The following TRIM67 variants were observed in gnomAD, a reference collection of about 807,000 sequenced individuals.
TRIM67 encodes tripartite motif containing 67, also known as tripartite motif-containing protein 67.
A neutral mutation model predicts 71.0 loss-of-function variants in TRIM67; 39 were observed. The observed-to-expected ratio is 0.55, with a 90% CI of 0.43 to 0.72. The LOEUF is 0.72. Among genes scored for constraint, TRIM67 ranks in the 30% least tolerant of loss-of-function variants. The pLI, the probability that TRIM67 is intolerant of heterozygous loss-of-function variation, is 0.00. For missense variants in TRIM67, 973 were observed against 1,079.2 expected (o/e 0.90, Z 1.38); for synonymous variants, 481 against 473.9 (o/e 1.01, Z -0.19).
chr1:231,182,617 GC>G (rs1558295060), intron 1 of TRIM67, among the ~76,000 whole-genome samples: 1 of 152,148 alleles, frequency 6.6e-6, no homozygotes, highest in African/African-American at 2.4e-5. Flanking sequence ...CAGATGAATG[GC>G]AAGGGCACAG....
chr1:231,217,186 G>C lies in TRIM67; in HGVS notation c.*1746G>C. The C allele has an allele frequency of 2.0e-6, 2 of 986,024 alleles. No homozygotes were observed. The highest frequency in any genetic ancestry group is 9.4e-5 in the South Asian group (2 of 21,282). 61.1% of individuals were successfully genotyped at this position (986,024 alleles called of 1,614,324 possible). A position where few individuals can be genotyped will look rare whatever the true frequency, so the allele number is the denominator to read the frequency against. On this transcript the variant is annotated 3_prime_UTR_variant, in exon 10 of 10. Coordinates refer to ENST00000366653, the MANE Select transcript of TRIM67 (RefSeq NM_001004342.5). ...GGTCTGCAAGGCTGCTTGGTCCGCTGTCTCTGCAGATGTGGCCGGCAAGGC... is the reference window on the plus strand; with the variant it reads ...GGTCTGCAAGGCTGCTTGGTCCGCTCTCTCTGCAGATGTGGCCGGCAAGGC...
At chr1:231,195,858 G>C (rs1003615229) in intron 1 of TRIM67, among the ~76,000 whole-genome samples, 3 of 152,244 alleles carry the variant, frequency 2.0e-5, no homozygotes, top group Admixed American at 6.5e-5. Flanking sequence ...GGTGCAGCCA[G>C]AGACGGTGCA....
intron 1 of TRIM67, chr1:231,187,631 T>C: frequency 7.2e-7 from 1 of 1,391,570 alleles, no homozygotes; most frequent in Non-Finnish European, 9.8e-7. Context: ...ATTCCTGTTT[T>C]AATACACGCC....
chr1:231,202,374 G>A (rs1232058346), intron 5 of TRIM67, among the ~76,000 whole-genome samples: 1 of 152,024 alleles, frequency 6.6e-6, no homozygotes, highest in Non-Finnish European at 1.5e-5. Context: ...GCAGCAGAGG[G>A]ATAGCAAGTC....
rs948577271 is a variant in TRIM67, at chr1:231,209,739, A to C, written c.2123+489A>C. 1.3e-5 allele frequency among the ~76,000 whole-genome samples: 2 copies of C among 152,192 alleles called. No individual in the cohort carries two copies. The highest frequency in any genetic ancestry group is 1.3e-4 in the Admixed American group (2 of 15,290). On this transcript the variant is annotated intron_variant, in intron 8 of 9. Coordinates refer to ENST00000366653, the MANE Select transcript of TRIM67 (RefSeq NM_001004342.5). This position sits in a 1 kb window ranked among gnomAD's most constrained non-coding sequence, Gnocchi z 4.1. ...GCCTCGGCAGGGCCGGGCCCTTGAC[A>C]GGGCAGTAGCAGAGGGCATGGCTGG...
At chr1:231,184,708 C>G (rs944116079) in intron 1 of TRIM67, 5 of 413,982 alleles carry the variant, frequency 1.2e-5, no homozygotes, top group Non-Finnish European at 2.2e-5. Context: ...AACAATGGTC[C>G]CTGCAGCTGT....
rs186916056 is a variant in TRIM67, at chr1:231,205,654, A to C, written c.1681-998A>C. On this transcript the variant is annotated intron_variant, in intron 6 of 9. Coordinates refer to ENST00000366653, the MANE Select transcript of TRIM67 (RefSeq NM_001004342.5). Reference sequence around the variant, plus strand: ...GGCACAAGGATCACTTGAACTTGGAAGGCAAAGATTGTAGTAAGTCAAGAT... The same window carrying C: ...GGCACAAGGATCACTTGAACTTGGACGGCAAAGATTGTAGTAAGTCAAGAT... 7.7e-3 allele frequency among the ~76,000 whole-genome samples: 1,166 copies of C among 151,898 alleles called. 7 individuals are homozygous for C. The highest frequency in any genetic ancestry group is 0.017 in the Middle Eastern group (5 of 290).
intron 1 of TRIM67, among the ~76,000 whole-genome samples, chr1:231,181,273 C>A (rs1682899168): frequency 6.6e-6 from 1 of 152,172 alleles, no homozygotes; most frequent in African/African-American, 2.4e-5. Context: ...CAGGAGAAGT[C>A]TTAAGAGCAA....
chr1:231,180,179 T>C (rs1199314029), intron 1 of TRIM67, among the ~76,000 whole-genome samples: 2 of 152,334 alleles, frequency 1.3e-5, no homozygotes, highest in East Asian at 3.9e-4. Flanking sequence ...TCAACAAATA[T>C]AGAAATACAT....
intron 1 of TRIM67, among the ~76,000 whole-genome samples, chr1:231,189,829 G>T (rs1378121991): frequency 6.6e-6 from 1 of 152,118 alleles, no homozygotes; most frequent in Non-Finnish European, 1.5e-5. Flanking sequence ...ATCTGGGGGA[G>T]ATGCAAGCAT....
intron 1 of TRIM67, among the ~76,000 whole-genome samples, chr1:231,178,040 G>A (rs979638338): frequency 1.3e-5 from 2 of 152,184 alleles, no homozygotes; most frequent in African/African-American, 4.8e-5. Flanking sequence ...TGGAAAATGA[G>A]AAGAGGAGGA....
intron 4 of TRIM67, among the ~76,000 whole-genome samples, chr1:231,200,886 T>C (rs548377432): frequency 6.6e-6 from 1 of 152,148 alleles, no homozygotes; most frequent in African/African-American, 2.4e-5. Context: ...CAGTCAAGTT[T>C]GGAGCAGAAG....
At position 231,163,690 on chromosome 1, in the gene TRIM67, T is replaced by A; in HGVS notation, c.721T>A (p.Ser241Thr). 1 of 1,510,132 alleles carries A rather than the reference T, an allele frequency of 6.6e-7. No homozygotes were observed. Among genetic ancestry groups the A allele is most frequent in the Non-Finnish European group, 8.8e-7 (1 of 1,130,846 alleles). 93.5% of individuals were successfully genotyped at this position (1,510,132 alleles called of 1,614,324 possible). ...CSACQLKCHPSRGPFAKHRLV... is the reference protein window; with the variant it reads ...CSACQLKCHPTRGPFAKHRLV... ...TGCCTGCCAGCTCAAGTGCCATCCATCCCGGGGACCCTTCGCCAAGCATCG... is the reference window on the plus strand; with the variant it reads ...TGCCTGCCAGCTCAAGTGCCATCCAACCCGGGGACCCTTCGCCAAGCATCG... The change falls in exon 1 of 10, where the codon TCC becomes ACC. Residue 241 changes from serine to threonine, a missense_variant. Physicochemically the swap from Ser to Thr is moderately conservative, Grantham distance 58. Around this residue, in one of 2 missense-constraint regions of TRIM67, gnomAD observed 795 missense variants for 831.3 expected, o/e 0.96. Transcript: ENST00000366653.
At chr1:231,204,144 AG>A (rs1436350194) in intron 6 of TRIM67, 132 bp downstream of exon 6, 1 of 1,340,012 alleles carries the variant, frequency 7.5e-7, no homozygotes, top group African/African-American at 1.4e-5. Flanking sequence ...ACTGGCCAAA[AG>A]GATAAAGAAG....
At chr1:231,183,186 C>T (rs1478482585) in intron 1 of TRIM67, among the ~76,000 whole-genome samples, 1 of 152,200 alleles carries the variant, frequency 6.6e-6, no homozygotes, top group East Asian at 1.9e-4. Flanking sequence ...CAGCATGAAT[C>T]ACTAATTATA....
rs946031548 is a variant in TRIM67, at chr1:231,219,271, T to C, written c.*3831T>C. ...CTGGTCTCTACCCATCATCTGCCAG[T>C]AGCAACCCCCAAGTTAGGTGTGACA... On this transcript the variant is annotated 3_prime_UTR_variant, in exon 10 of 10. Transcript: ENST00000366653. 2.0e-6 allele frequency: 2 copies of C among 979,276 alleles called. No homozygotes were observed. Among genetic ancestry groups the C allele is most frequent in the Non-Finnish European group, 2.4e-6 (2 of 824,022 alleles). 60.7% of individuals were successfully genotyped at this position (979,276 alleles called of 1,614,324 possible). A position where few individuals can be genotyped will look rare whatever the true frequency, so the allele number is the denominator to read the frequency against.
chr1:231,171,979 C>T (rs1254842007), intron 1 of TRIM67, among the ~76,000 whole-genome samples: 1 of 152,078 alleles, frequency 6.6e-6, no homozygotes, highest in Non-Finnish European at 1.5e-5. Flanking sequence ...GCCTGTAGTC[C>T]CAGCTACTCA....
chr1:231,203,141 T>C (rs1223564737), intron 5 of TRIM67, among the ~76,000 whole-genome samples: 1 of 150,942 alleles, frequency 6.6e-6, no homozygotes, highest in Non-Finnish European at 1.5e-5. Context: ...GTTTCAATTT[T>C]CCCTTAAAAA....
At position 231,185,121 on chromosome 1, in the gene TRIM67, G is replaced by T. The variant is rs529697913; in HGVS notation, c.1045-12250G>T. ...ACCATCTGCTGGCTCCTAAATCCGA[G>T]TTGCTGGCTCAATGGGAAGTGTGTG... On this transcript the variant is annotated intron_variant, in intron 1 of 9. Transcript: ENST00000366653. 2.6e-6 allele frequency: 4 copies of T among 1,532,980 alleles called. No homozygotes were observed. The African/African-American group carries it at 5.5e-5, about 21-fold the overall frequency. The allele number at this position is 1,532,980 out of a possible 1,614,324, so 95.0% of individuals were successfully genotyped here.
Sources: allele counts gnomAD v4.1 joint callset (sites outside exome capture counted in the v4.1 genomes callset), GRCh38; gene constraint gnomAD v4.1.1; regional missense constraint gnomAD v4.1.1; non-coding constraint Gnocchi (gnomAD v3.1); transcripts MANE v1.5; gene names NCBI Gene and HGNC (gene_info 2026-07-23, HGNC 2026-07-21).